EPHB1: variants seen among roughly 807,000 people sequenced by gnomAD.
The protein encoded by EPHB1 is EPH receptor B1, also known as ephrin type-B receptor 1.
A neutral mutation model predicts 94.4 loss-of-function variants in EPHB1; 30 were observed. The ratio of observed to expected loss-of-function variants is 0.32; its 90% CI spans 0.24 to 0.43. The LOEUF is 0.43. Among genes scored for constraint, EPHB1 ranks in the 20% least tolerant of loss-of-function variants. The pLI is 1.00. For synonymous variants in EPHB1, 522 were observed against 489.1 expected, an observed-to-expected ratio of 1.07 and a Z score of -0.89; for missense variants, 1,055 against 1,308.3, an observed-to-expected ratio of 0.81 and a Z score of 2.99.
At chr3:134,998,458 C>G (rs16842464) in intron 3 of EPHB1, among the ~76,000 whole-genome samples, 1 of 152,168 alleles carries the variant, frequency 6.6e-6, no homozygotes, top group Non-Finnish European at 1.5e-5. Context: ...TTCATGCAAT[C>G]TCTGTTTTAG....
intron 12 of EPHB1, among the ~76,000 whole-genome samples, chr3:135,210,094 A>G (rs1212929388): frequency 2.0e-5 from 3 of 152,140 alleles, no homozygotes; most frequent in African/African-American, 7.2e-5. Flanking sequence ...TTGGGAATAG[A>G]TTGTGGGTTT....
chr3:135,038,738 C>T (rs551869940), intron 3 of EPHB1, among the ~76,000 whole-genome samples: 1,588 of 152,012 alleles, frequency 0.01, 16 homozygotes, highest in African/African-American at 0.035. Flanking sequence ...CAGACCTTCG[C>T]GGTGAGTGTT....
Position 135,154,146 on chromosome 3 carries a change from C to A in EPHB1, c.1298-6C>A, listed in dbSNP as rs781175815. 2.2e-5 allele frequency: 36 copies of A among 1,613,842 alleles called. No individual in the cohort carries two copies. Among genetic ancestry groups the A allele is most frequent in the Non-Finnish European group, 3.1e-5 (36 of 1,179,850 alleles). The stretch of plus-strand genomic sequence containing the variant: ...TCAGCTACCCTGTTTCTTTCTCTCT[C>A]CACAGCCCCCTCCACCGTTCCCATC... On this transcript the variant is annotated splice_region_variant and splice_polypyrimidine_tract_variant and intron_variant, in intron 5 of 15. Transcript: ENST00000398015.
chr3:135,191,831 G>T (rs1037307961), intron 10 of EPHB1, among the ~76,000 whole-genome samples: 1 of 152,162 alleles, frequency 6.6e-6, no homozygotes, highest in East Asian at 1.9e-4. Flanking sequence ...GCACCTTCAG[G>T]GTCGGCCCCG....
chr3:135,036,324 T>C (rs923251666), intron 3 of EPHB1, among the ~76,000 whole-genome samples: 5 of 152,066 alleles, frequency 3.3e-5, no homozygotes, highest in African/African-American at 1.2e-4. Flanking sequence ...GTTGCTTGAA[T>C]TGGACAGGGA....
chr3:134,889,827 G>A lies in EPHB1; in HGVS notation c.59-35989G>A, dbSNP rs568058333. On this transcript the variant is annotated intron_variant, in intron 1 of 15. Transcript: ENST00000398015. ...CGAGAAGCTGGGACTACCGGTGCCC[G>A]CCACCACACCCGGCTAATTTTTTTG... Among the ~76,000 whole-genome samples the A allele has an allele frequency of 1.2e-4, 18 of 150,886 alleles. No individual in the cohort carries two copies. In the South Asian group the frequency reaches 3.4e-3, roughly 28 times the overall value.
intron 3 of EPHB1, among the ~76,000 whole-genome samples, chr3:135,012,948 TGAAAACCAGG>T (rs1417349805): frequency 1.3e-5 from 2 of 152,200 alleles, no homozygotes; most frequent in African/African-American, 4.8e-5. Context: ...CATATTTTAT[TGAAAACCAGG>T]GACTTTGCTG....
In EPHB1 at chr3:135,179,933, C is replaced by A; in HGVS notation, c.1833C>A (p.Ala611=). The A allele has an allele frequency of 6.2e-7, 1 of 1,613,960 alleles. No homozygotes were observed. Among genetic ancestry groups the A allele is most frequent in the Non-Finnish European group, 8.5e-7 (1 of 1,179,854 alleles). ...CCAACGAAGCTGTCCGGGAGTTTGC[C>A]AAGGAGATTGATGTATCTTTTGTGA... ...EDPNEAVREF[A]KEIDVSFVKI... is the part of the protein sequence containing the mutation. The change falls in exon 10 of 16, where the codon GCC becomes GCA. Residue 611 remains alanine, a synonymous_variant. Transcript: ENST00000398015.
At chr3:135,054,109 A>T (rs2107773261) in intron 3 of EPHB1, among the ~76,000 whole-genome samples, 1 of 152,044 alleles carries the variant, frequency 6.6e-6, no homozygotes, top group Non-Finnish European at 1.5e-5. Flanking sequence ...TCATATAATT[A>T]CCAAAATATT....
At chr3:135,072,659 A>G (rs1295171302) in intron 3 of EPHB1, among the ~76,000 whole-genome samples, 1 of 152,124 alleles carries the variant, frequency 6.6e-6, no homozygotes, top group African/African-American at 2.4e-5. Flanking sequence ...CTCTGCCTCA[A>G]AAGCTATTTC....
chr3:134,960,841 A>C (rs1469037721), intron 3 of EPHB1, among the ~76,000 whole-genome samples: 1 of 152,238 alleles, frequency 6.6e-6, no homozygotes, highest in Non-Finnish European at 1.5e-5. Context: ...GAAAGGCTGC[A>C]GAATGAAATA....
At position 135,006,832 on chromosome 3, in the gene EPHB1, T is replaced by C. The variant is rs916082814; in HGVS notation, c.805+54780T>C. Among the ~76,000 whole-genome samples, 11 of 150,864 alleles carry C rather than the reference T, an allele frequency of 7.3e-5. No homozygotes were observed. In the East Asian group the frequency reaches 1.5e-3, roughly 21 times the overall value. On this transcript the variant is annotated intron_variant, in intron 3 of 15. Coordinates refer to ENST00000398015, the MANE Select transcript of EPHB1 (RefSeq NM_004441.5). ...ATATATGATGCCAAGTTTTTTTTTT[T>C]CAAAATATTGTGCTAGATAATGCTC...
chr3:135,079,078 A>AAAACAAGCAAAAAAAAAACAAAACAAAC (rs1169613270), intron 3 of EPHB1, among the ~76,000 whole-genome samples: 3 of 141,174 alleles, frequency 2.1e-5, no homozygotes, highest in African/African-American at 3.1e-5. Context: ...GACATACGTA[A>AAAACAAGCAAAAAAAAAACAAAACAAAC]AAACAAGCAA....
In EPHB1 at chr3:134,849,029, G is replaced by T. The variant is rs573862588; in HGVS notation, c.58+53340G>T. Among the ~76,000 whole-genome samples the T allele has an allele frequency of 3.3e-5, 5 of 152,362 alleles. No homozygotes were observed. The South Asian group carries it at 1.0e-3, about 32-fold the overall frequency. On this transcript the variant is annotated intron_variant, in intron 1 of 15. Transcript: ENST00000398015. ...GATCACACCTACGCACAAGGCGGGA[G>T]CCTGAGTTTCAGATGAACAGGAGGG...
chr3:134,962,663 ACCCTTTGG>A (rs1422430952), intron 3 of EPHB1, among the ~76,000 whole-genome samples: 1 of 151,280 alleles, frequency 6.6e-6, no homozygotes, highest in Non-Finnish European at 1.5e-5. Context: ...CTCAGCTCTC[ACCCTTTGG>A]CCCTTCACCC....
intron 6 of EPHB1, 145 bp downstream of exon 6, chr3:135,154,421 C>T: frequency 8.6e-7 from 1 of 1,159,212 alleles, no homozygotes; most frequent in East Asian, 2.6e-5. Flanking sequence ...TGGGAGAGTT[C>T]TCCAGGTCTG....
intron 3 of EPHB1, among the ~76,000 whole-genome samples, chr3:134,973,244 C>G (rs1934048758): frequency 6.6e-6 from 1 of 152,090 alleles, no homozygotes; most frequent in African/African-American, 2.4e-5. Flanking sequence ...TTCACTGGCT[C>G]CCTTGCCTTC....
chr3:135,123,317 G>A (rs1483850666), intron 4 of EPHB1, among the ~76,000 whole-genome samples: 1 of 152,158 alleles, frequency 6.6e-6, no homozygotes, highest in Non-Finnish European at 1.5e-5. Flanking sequence ...ACCTAAGACA[G>A]TACTTTGCAT....
intron 9 of EPHB1, among the ~76,000 whole-genome samples, chr3:135,170,111 C>T (rs1941764365): frequency 6.6e-6 from 1 of 152,190 alleles, no homozygotes; most frequent in South Asian, 2.1e-4. Context: ...CCAGCAGCTC[C>T]CCAGCTTGTT....
Sources: allele counts gnomAD v4.1 joint callset (sites outside exome capture counted in the v4.1 genomes callset), GRCh38; gene constraint gnomAD v4.1.1; transcripts MANE v1.5; gene names NCBI Gene and HGNC (gene_info 2026-07-23, HGNC 2026-07-21).